The following TBC1D3H variants were observed in gnomAD, a reference collection of about 807,000 sequenced individuals.
TBC1D3H encodes the protein TBC1 domain family member 3-like.
chr17:36,385,982 A>C (rs2069666905), intron 3 of TBC1D3H, among the ~76,000 whole-genome samples: 1 of 124,830 alleles, frequency 8.0e-6, no homozygotes. Flanking sequence ...TCCCAGCACC[A>C]GACCCAGGTC....
rs1276828004 is a variant in TBC1D3H, at chr17:36,388,409, G to C, written c.-86C>G. The C allele has an allele frequency of 7.0e-4, 105 of 149,694 alleles. No homozygotes were observed. Among genetic ancestry groups the C allele is most frequent in the African/African-American group, 2.4e-3 (99 of 41,104 alleles). 9.3% of individuals were successfully genotyped at this position (149,694 alleles called of 1,614,324 possible). A position where few individuals can be genotyped will look rare whatever the true frequency, so the allele number is the denominator to read the frequency against. On this transcript the variant is annotated 5_prime_UTR_variant, in exon 1 of 14. Transcript: ENST00000610350. Reference sequence around the variant, plus strand: ...CACAGAGCTGCTCACAGATACCACTGCCTGTGTGTAACTGCTGTAGACCAC... The same window carrying C: ...CACAGAGCTGCTCACAGATACCACTCCCTGTGTGTAACTGCTGTAGACCAC...
At position 36,388,373 on chromosome 17, in the gene TBC1D3H, A is replaced by G. The variant is rs2069703584; in HGVS notation, c.-50T>C. On this transcript the variant is annotated 5_prime_UTR_variant, in exon 1 of 14. Coordinates refer to ENST00000610350, the MANE Select transcript of TBC1D3H (RefSeq NM_001123392.4). Reference sequence around the variant, plus strand: ...CTGGGTCATGCCTCTCAGGGAGAAAACCTTTGAGTCCACAGAGCTGCTCAC... The same window carrying G: ...CTGGGTCATGCCTCTCAGGGAGAAAGCCTTTGAGTCCACAGAGCTGCTCAC... 1 of 146,528 alleles carries G rather than the reference A, an allele frequency of 6.8e-6. No homozygotes were observed. The highest frequency in any genetic ancestry group is 2.5e-5 in the African/African-American group (1 of 40,434). The allele number at this position is 146,528 out of a possible 1,614,324, so 9.1% of individuals were successfully genotyped here.
rs2142369001 is a variant in TBC1D3H, at chr17:36,385,775, A to C, written c.159-482T>G. On this transcript the variant is annotated intron_variant, in intron 3 of 13. Transcript: ENST00000610350. ...GGGCCCACCCCACTTGACAGCCCCA[A>C]GGCCCTTGCAGATTCTGACCTCCCA... Among the ~76,000 whole-genome samples the C allele has an allele frequency of 1.5e-5, 2 of 131,328 alleles. 1 individual carries two copies. Among genetic ancestry groups the C allele is most frequent in the East Asian group, 5.8e-4 (2 of 3,438 alleles). 86.2% of individuals were successfully genotyped at this position (131,328 alleles called of 152,430 possible).
intron 3 of TBC1D3H, among the ~76,000 whole-genome samples, chr17:36,386,254 G>A (rs1396101727): frequency 1.9e-5 from 2 of 106,638 alleles, no homozygotes; most frequent in African/African-American, 1.0e-4. Context: ...CATCTCACCG[G>A]GTTTGTCTCC....
chr17:36,388,400 G>T lies in TBC1D3H; in HGVS notation c.-77C>A, dbSNP rs1331822414. 1 of 149,296 alleles carries T rather than the reference G, an allele frequency of 6.7e-6. No individual in the cohort carries two copies. Among genetic ancestry groups the T allele is most frequent in the Non-Finnish European group, 1.5e-5 (1 of 66,936 alleles). The allele number at this position is 149,296 out of a possible 1,614,324, so 9.2% of individuals were successfully genotyped here. A position where few individuals can be genotyped will look rare whatever the true frequency, so the allele number is the denominator to read the frequency against. On this transcript the variant is annotated 5_prime_UTR_variant, in exon 1 of 14. It adds an upstream start codon to the 5' untranslated region. Transcript: ENST00000610350. Reference sequence around the variant, plus strand: ...CTTTGAGTCCACAGAGCTGCTCACAGATACCACTGCCTGTGTGTAACTGCT... The same window carrying T: ...CTTTGAGTCCACAGAGCTGCTCACATATACCACTGCCTGTGTGTAACTGCT...
At chr17:36,385,904 C>T in intron 3 of TBC1D3H, among the ~76,000 whole-genome samples, 1 of 128,482 alleles carries the variant, frequency 7.8e-6, no homozygotes, top group East Asian at 3.0e-4. Context: ...GATCCTCTGT[C>T]TCTCCATCCT....
At chr17:36,379,039 A>C (rs1396871378) in intron 13 of TBC1D3H, among the ~76,000 whole-genome samples, 2 of 58,982 alleles carry the variant, frequency 3.4e-5, no homozygotes, top group Non-Finnish European at 4.9e-5. Flanking sequence ...CTGCTCTCTG[A>C]GGCTGTGGGT....
At position 36,385,820 on chromosome 17, in the gene TBC1D3H, T is replaced by A. The variant is rs995893512; in HGVS notation, c.159-527A>T. 3.0e-4 allele frequency among the ~76,000 whole-genome samples: 39 copies of A among 132,198 alleles called. 3 individuals are homozygous for A. The highest frequency in any genetic ancestry group is 1.0e-3 in the African/African-American group (37 of 35,368). The allele number at this position is 132,198 out of a possible 152,430, so 86.7% of individuals were successfully genotyped here. A position where few individuals can be genotyped will look rare whatever the true frequency, so the allele number is the denominator to read the frequency against. On this transcript the variant is annotated intron_variant, in intron 3 of 13. Coordinates refer to ENST00000610350, the MANE Select transcript of TBC1D3H (RefSeq NM_001123392.4). ...CTCCCAGCATCCACCTGCCTCTCCC[T>A]GCACCCGAGCCACACACCCTGCGTT...
rs1292780502 is a variant in TBC1D3H at position 36,385,842 on chromosome 17, C to T, written c.159-549G>A. On this transcript the variant is annotated intron_variant, in intron 3 of 13. Coordinates refer to ENST00000610350, the MANE Select transcript of TBC1D3H (RefSeq NM_001123392.4). ...CCCTGCACCCGAGCCACACACCCTG[C>T]GTTTCAGAAGTGGCACGGCTCATCA... Among the ~76,000 whole-genome samples, 2 of 132,244 alleles carry T rather than the reference C, an allele frequency of 1.5e-5. 1 individual carries two copies. The highest frequency in any genetic ancestry group is 6.1e-4 in the South Asian group (2 of 3,276). The allele number at this position is 132,244 out of a possible 152,430, so 86.8% of individuals were successfully genotyped here.
At position 36,386,059 on chromosome 17, in the gene TBC1D3H, C is replaced by A. The variant is rs1441010362; in HGVS notation, c.158+517G>T. Among the ~76,000 whole-genome samples, 4 of 127,864 alleles carry A rather than the reference C, an allele frequency of 3.1e-5. 1 individual carries two copies. The highest frequency in any genetic ancestry group is 2.2e-4 in the Admixed American group (3 of 13,396). 83.9% of individuals were successfully genotyped at this position (127,864 alleles called of 152,430 possible). Reference sequence around the variant, plus strand: ...ATGCCCAGAACGGGGCCCTGCCCATCTTCCCCCCGTTCTCCTAGGGCTACA... The same window carrying A: ...ATGCCCAGAACGGGGCCCTGCCCATATTCCCCCCGTTCTCCTAGGGCTACA... On this transcript the variant is annotated intron_variant, in intron 3 of 13. Transcript: ENST00000610350.
At position 36,385,874 on chromosome 17, in the gene TBC1D3H, T is replaced by C. The variant is rs1474734342; in HGVS notation, c.159-581A>G. 1.5e-5 allele frequency among the ~76,000 whole-genome samples: 2 copies of C among 130,638 alleles called. 1 individual carries two copies. The highest frequency in any genetic ancestry group is 1.5e-4 in the Admixed American group (2 of 13,704). 85.7% of individuals were successfully genotyped at this position (130,638 alleles called of 152,430 possible). On this transcript the variant is annotated intron_variant, in intron 3 of 13. Coordinates refer to ENST00000610350, the MANE Select transcript of TBC1D3H (RefSeq NM_001123392.4). ...GAAGTGGCACGGCTCATCAGCTCCC[T>C]CCCGCCCTACCTCCCCAGGGATCCT...
In TBC1D3H at chr17:36,385,878, G is replaced by T. The variant is rs1256215516; in HGVS notation, c.159-585C>A. The stretch of plus-strand genomic sequence containing the variant: ...TGGCACGGCTCATCAGCTCCCTCCC[G>T]CCCTACCTCCCCAGGGATCCTCTGT... On this transcript the variant is annotated intron_variant, in intron 3 of 13. Coordinates refer to ENST00000610350, the MANE Select transcript of TBC1D3H (RefSeq NM_001123392.4). Among the ~76,000 whole-genome samples the T allele has an allele frequency of 1.5e-5, 2 of 130,036 alleles. 1 individual carries two copies. The highest frequency in any genetic ancestry group is 5.8e-5 in the African/African-American group (2 of 34,502). 85.3% of individuals were successfully genotyped at this position (130,036 alleles called of 152,430 possible). A position where few individuals can be genotyped will look rare whatever the true frequency, so the allele number is the denominator to read the frequency against.
Position 36,385,736 on chromosome 17 carries a change from T to C in TBC1D3H, c.159-443A>G, listed in dbSNP as rs1212432745. ...CTGCCCTGAGACCTGCCCGGTGTACTCTGGCTGCACCAGGGGCCCACCCCA... is the reference window on the plus strand; with the variant it reads ...CTGCCCTGAGACCTGCCCGGTGTACCCTGGCTGCACCAGGGGCCCACCCCA... On this transcript the variant is annotated intron_variant, in intron 3 of 13. Coordinates refer to ENST00000610350, the MANE Select transcript of TBC1D3H (RefSeq NM_001123392.4). Among the ~76,000 whole-genome samples the C allele has an allele frequency of 2.3e-5, 3 of 129,588 alleles. 1 individual carries two copies. Among genetic ancestry groups the C allele is most frequent in the Non-Finnish European group, 4.9e-5 (3 of 60,692 alleles). The allele number at this position is 129,588 out of a possible 152,430, so 85.0% of individuals were successfully genotyped here.
rs1452853344 is a variant in TBC1D3H, at chr17:36,385,897, C to A, written c.159-604G>T. The stretch of plus-strand genomic sequence containing the variant: ...CCTCCCGCCCTACCTCCCCAGGGAT[C>A]CTCTGTCTCTCCATCCTGTGATCCC... On this transcript the variant is annotated intron_variant, in intron 3 of 13. Coordinates refer to ENST00000610350, the MANE Select transcript of TBC1D3H (RefSeq NM_001123392.4). Among the ~76,000 whole-genome samples the A allele has an allele frequency of 6.9e-3, 884 of 128,566 alleles. 4 individuals carry two copies. Among genetic ancestry groups the A allele is most frequent in the South Asian group, 0.035 (106 of 3,024 alleles). 84.3% of individuals were successfully genotyped at this position (128,566 alleles called of 152,430 possible).
intron 3 of TBC1D3H, among the ~76,000 whole-genome samples, chr17:36,386,208 GC>G (rs1196070918): frequency 8.7e-6 from 1 of 114,574 alleles, no homozygotes; most frequent in Non-Finnish European, 1.7e-5. Flanking sequence ...CTGAGGCTGG[GC>G]CAGGCGTCCC....
At position 36,386,081 on chromosome 17, in the gene TBC1D3H, T is replaced by C. The variant is rs559476868; in HGVS notation, c.158+495A>G. The stretch of plus-strand genomic sequence containing the variant: ...CATCTTCCCCCCGTTCTCCTAGGGC[T>C]ACAGCCCCCATTGTCACCATGCCTT... On this transcript the variant is annotated intron_variant, in intron 3 of 13. Transcript: ENST00000610350. Among the ~76,000 whole-genome samples, 47 of 127,136 alleles carry C rather than the reference T, an allele frequency of 3.7e-4. 11 individuals are homozygous for C. Among genetic ancestry groups the C allele is most frequent in the South Asian group, 1.0e-3 (3 of 2,982 alleles). The allele number at this position is 127,136 out of a possible 152,430, so 83.4% of individuals were successfully genotyped here.
chr17:36,385,759 C>G lies in TBC1D3H; in HGVS notation c.159-466G>C, dbSNP rs1212110228. On this transcript the variant is annotated intron_variant, in intron 3 of 13. Coordinates refer to ENST00000610350, the MANE Select transcript of TBC1D3H (RefSeq NM_001123392.4). ...ACTCTGGCTGCACCAGGGGCCCACC[C>G]CACTTGACAGCCCCAAGGCCCTTGC... Among the ~76,000 whole-genome samples, 9 of 131,016 alleles carry G rather than the reference C, an allele frequency of 6.9e-5. 1 individual carries two copies. Among genetic ancestry groups the G allele is most frequent in the Non-Finnish European group, 1.3e-4 (8 of 61,326 alleles). The allele number at this position is 131,016 out of a possible 152,430, so 86.0% of individuals were successfully genotyped here.
At chr17:36,386,057 A>G (rs1158668188) in intron 3 of TBC1D3H, among the ~76,000 whole-genome samples, 4 of 127,506 alleles carry the variant, frequency 3.1e-5, no homozygotes, top group Non-Finnish European at 5.0e-5. Context: ...GGCCCTGCCC[A>G]TCTTCCCCCC....
At chr17:36,386,292 GC>G (rs1490106205) in intron 3 of TBC1D3H, among the ~76,000 whole-genome samples, 1 of 97,104 alleles carries the variant, frequency 1.0e-5, no homozygotes, top group Non-Finnish European at 1.9e-5. Context: ...CCCTCAGGCT[GC>G]CCCGCTCCTC....
Sources: allele counts gnomAD v4.1 joint callset (sites outside exome capture counted in the v4.1 genomes callset), GRCh38; gene constraint gnomAD v4.1.1; transcripts MANE v1.5; gene names NCBI Gene and HGNC (gene_info 2026-07-23, HGNC 2026-07-21).